PRMT9: variants seen among roughly 807,000 people sequenced by gnomAD.
PRMT9 encodes protein arginine N-methyltransferase 9.
A neutral mutation model predicts 83.2 loss-of-function variants in PRMT9; 59 were observed. That is an observed-to-expected ratio of 0.71 (90% CI 0.57 to 0.88). PRMT9 has a LOEUF of 0.88. Ranked by LOEUF, PRMT9 falls within the 40% of genes least tolerant of loss-of-function variation. PRMT9 has a pLI of 0.00. For missense variants in PRMT9, 947 were observed against 1,021.9 expected (o/e 0.93, Z 1.00); for synonymous variants, 333 against 353.2 (o/e 0.94, Z 0.64).
chr4:147,681,999 A>G (rs1474013038), intron 1 of PRMT9, among the ~76,000 whole-genome samples: 2 of 151,944 alleles, frequency 1.3e-5, no homozygotes, highest in Non-Finnish European at 2.9e-5. Flanking sequence ...CAAATTTTAA[A>G]TATACTTTTT....
At chr4:147,659,008 T>G (rs1337633397) in intron 7 of PRMT9, among the ~76,000 whole-genome samples, 1 of 151,670 alleles carries the variant, frequency 6.6e-6, no homozygotes. Flanking sequence ...TGAAACCCCG[T>G]CTCTACTAAA....
chr4:147,638,882 A>G (rs1733189491), intron 11 of PRMT9, 78 bp downstream of exon 11: 1 of 1,422,092 alleles, frequency 7.0e-7, no homozygotes, highest in Non-Finnish European at 9.8e-7. Context: ...AGCTAAAAGT[A>G]TGTATAAAAG....
At chr4:147,671,636 T>A (rs141197909) in intron 4 of PRMT9, among the ~76,000 whole-genome samples, 2 of 152,348 alleles carry the variant, frequency 1.3e-5, no homozygotes, top group Non-Finnish European at 2.9e-5. Flanking sequence ...TATTTATGAT[T>A]GCATACACTT....
At chr4:147,664,839 G>C (rs1170187439) in intron 6 of PRMT9, among the ~76,000 whole-genome samples, 1 of 151,962 alleles carries the variant, frequency 6.6e-6, no homozygotes, top group Admixed American at 6.6e-5. Flanking sequence ...AACAGGCCGG[G>C]CACAGTGGCT....
intron 3 of PRMT9, 144 bp from the exon 4 acceptor site, chr4:147,673,270 T>A: frequency 1.4e-6 from 1 of 727,438 alleles, no homozygotes; most frequent in Non-Finnish European, 2.3e-6. Flanking sequence ...AAAAATAAAC[T>A]AATATTCTTG....
intron 10 of PRMT9, among the ~76,000 whole-genome samples, chr4:147,640,407 CAACCAAACCAAGCTCAT>C (rs1439520700): frequency 6.6e-6 from 1 of 151,922 alleles, no homozygotes; most frequent in African/African-American, 2.4e-5. Context: ...TCTATATAAC[CAACCAAACCAAGCTCAT>C]AACTTTATGA....
chr4:147,659,276 C>T (rs951390007), intron 7 of PRMT9, among the ~76,000 whole-genome samples: 1 of 151,714 alleles, frequency 6.6e-6, no homozygotes, highest in Non-Finnish European at 1.5e-5. Flanking sequence ...TGGTGGGTGC[C>T]TGTAATCCCA....
intron 4 of PRMT9, chr4:147,671,889 T>C (rs1455434911): frequency 6.6e-6 from 3 of 456,218 alleles, no homozygotes; most frequent in Admixed American, 2.3e-5. Context: ...AAACTGACTA[T>C]ACTGGAGAAG....
rs1031364846 is a variant in PRMT9 at position 147,654,613 on chromosome 4, C to T, written c.1331-47G>A. Reference sequence around the variant, plus strand: ...AAAAAAAATATGGAGTACTTATAAGCCAGAGGATCACATAAACATCTCCAT... The same window carrying T: ...AAAAAAAATATGGAGTACTTATAAGTCAGAGGATCACATAAACATCTCCAT... On this transcript the variant is annotated intron_variant, in intron 8 of 11. Coordinates refer to ENST00000322396, the MANE Select transcript of PRMT9 (RefSeq NM_138364.4). 12 of 1,221,578 alleles carry T rather than the reference C, an allele frequency of 9.8e-6. 1 individual carries two copies. The Middle Eastern group carries it at 9.4e-4, about 96-fold the overall frequency. The allele number at this position is 1,221,578 out of a possible 1,614,324, so 75.7% of individuals were successfully genotyped here.
chr4:147,644,539 TAAAAA>T (rs35094215), intron 9 of PRMT9, among the ~76,000 whole-genome samples: 6 of 111,886 alleles, frequency 5.4e-5, no homozygotes, highest in Non-Finnish European at 1.0e-4. Flanking sequence ...TGCTTATGGT[TAAAAA>T]AAAAAAAAAA....
chr4:147,662,295 C>T (rs1009080373), intron 6 of PRMT9, among the ~76,000 whole-genome samples: 11 of 152,264 alleles, frequency 7.2e-5, no homozygotes, highest in African/African-American at 1.2e-4. Context: ...CACTAATCTA[C>T]GGTGTTAGAA....
intron 9 of PRMT9, among the ~76,000 whole-genome samples, chr4:147,643,692 A>T (rs976610680): frequency 6.6e-6 from 1 of 152,218 alleles, no homozygotes; most frequent in South Asian, 2.1e-4. Context: ...TGATTGTATT[A>T]ACATCAAAAA....
chr4:147,660,977 C>T lies in PRMT9; in HGVS notation c.1015G>A (p.Ala339Thr), dbSNP rs1734909748. The T allele has an allele frequency of 6.2e-7, 1 of 1,612,766 alleles. No homozygotes were observed. Among genetic ancestry groups the T allele is most frequent in the Non-Finnish European group, 8.5e-7 (1 of 1,178,898 alleles). ...TCTTCAGTATCTACAGAAGAATAAG[C>T]CGGACTCTGAAATTTCACATTTGTT... ...LPTNVKFQSP[A>T]YSSVDTEETI... The change falls in exon 7 of 12, where the codon GCT becomes ACT. Residue 339 changes from alanine (A) to threonine (T), a missense_variant. Ala to Thr is a moderately conservative substitution (Grantham distance 58). Transcript: ENST00000322396.
At chr4:147,659,335 A>G (rs1424689663) in intron 7 of PRMT9, among the ~76,000 whole-genome samples, 1 of 151,706 alleles carries the variant, frequency 6.6e-6, no homozygotes, top group Non-Finnish European at 1.5e-5. Flanking sequence ...CGAAAAGTGG[A>G]GGCTGCAGTG....
chr4:147,642,906 G>A lies in PRMT9; in HGVS notation c.2080C>T (p.Gln694Ter), dbSNP rs1397695069. 16 of 1,614,106 alleles carry A rather than the reference G, an allele frequency of 9.9e-6. No individual in the cohort carries two copies. The highest frequency in any genetic ancestry group is 1.4e-5 in the Non-Finnish European group (16 of 1,179,964). ...AGCAACCCAAACATCAGCACATACT[G>A]AGGAAAGATCTTGCCTCCAGATTGT... ...LLQSGGKIFP[Q>*]YVLMFGLLVE... The change falls in exon 10 of 12, where the codon CAG (glutamine) becomes TAG (stop). Residue 694 changes from glutamine to a stop codon, truncating the protein, a stop_gained. Coordinates refer to ENST00000322396, the MANE Select transcript of PRMT9 (RefSeq NM_138364.4). LOFTEE classifies it high-confidence loss of function.
intron 9 of PRMT9, among the ~76,000 whole-genome samples, chr4:147,649,189 GGAGA>G (rs1236329497): frequency 1.3e-5 from 2 of 150,716 alleles, no homozygotes; most frequent in Non-Finnish European, 3.0e-5. Flanking sequence ...GAGAGAAGAG[GGAGA>G]GAGAGAGAGA....
At chr4:147,676,899 C>T (rs569990543) in intron 2 of PRMT9, among the ~76,000 whole-genome samples, 1 of 151,982 alleles carries the variant, frequency 6.6e-6, no homozygotes, top group South Asian at 2.1e-4. Flanking sequence ...CAAAAATTAG[C>T]CGGGCGTGGT....
chr4:147,646,996 C>A (rs1183824384), intron 9 of PRMT9, among the ~76,000 whole-genome samples: 1 of 152,282 alleles, frequency 6.6e-6, no homozygotes, highest in Admixed American at 6.5e-5. Flanking sequence ...TATAGTTTAA[C>A]TTTAAAGCAC....
intron 7 of PRMT9, among the ~76,000 whole-genome samples, chr4:147,658,322 G>A (rs1020347773): frequency 6.6e-6 from 1 of 151,896 alleles, no homozygotes; most frequent in South Asian, 2.1e-4. Flanking sequence ...GAGAGAGAGG[G>A]AGTAGTGAGA....
Sources: allele counts gnomAD v4.1 joint callset (sites outside exome capture counted in the v4.1 genomes callset), GRCh38; gene constraint gnomAD v4.1.1; transcripts MANE v1.5; gene names NCBI Gene and HGNC (gene_info 2026-07-23, HGNC 2026-07-21).